The following DOCK2 variants were observed in gnomAD, a reference collection of about 807,000 sequenced individuals.
DOCK2 encodes dedicator of cytokinesis 2.
In DOCK2, 87 loss-of-function variants were observed where a neutral mutation model predicts 248.9. That is an observed-to-expected ratio of 0.35 (90% CI 0.29 to 0.42). DOCK2 has a LOEUF of 0.42. Among genes scored for constraint, DOCK2 ranks in the 10% least tolerant of loss-of-function variants. DOCK2 has a pLI of 1.00. For missense variants in DOCK2, 1,747 were observed against 2,300.2 expected (o/e 0.76, Z 4.92); for synonymous variants, 805 against 821.6 (o/e 0.98, Z 0.35).
rs1757831176 is a variant in DOCK2, at chr5:170,076,131, G to A, written c.4866+47G>A. On this transcript the variant is annotated intron_variant, in intron 47 of 51. Transcript: ENST00000520908. ...TGGAGGGGTGGGATTGTGCAGGGTG[G>A]GGCAGGGAAGCATGCTGGAGGCTGA... The A allele has an allele frequency of 1.9e-6, 3 of 1,594,374 alleles. 1 individual carries two copies. The highest frequency in any genetic ancestry group is 8.6e-7 in the Non-Finnish European group (1 of 1,167,168).
intron 1 of DOCK2, among the ~76,000 whole-genome samples, chr5:169,639,652 A>G (rs1352539747): frequency 1.3e-5 from 2 of 152,230 alleles, no homozygotes; most frequent in Non-Finnish European, 2.9e-5. Context: ...TTTTCCCTTT[A>G]AAGACATTTT....
intron 14 of DOCK2, chr5:169,704,019 A>G (rs1581064012): frequency 6.6e-6 from 1 of 152,186 alleles, no homozygotes; most frequent in Non-Finnish European, 1.5e-5. Context: ...CACTTTTGTC[A>G]CCCTTTCAAG....
intron 46 of DOCK2, among the ~76,000 whole-genome samples, chr5:170,069,542 C>T (rs1450063598): frequency 1.3e-5 from 2 of 152,176 alleles, no homozygotes; most frequent in African/African-American, 4.8e-5. Context: ...GGCCCCCACA[C>T]TCCAAACCAG....
intron 27 of DOCK2, among the ~76,000 whole-genome samples, chr5:169,905,916 T>C (rs1038734934): frequency 6.6e-6 from 1 of 152,242 alleles, no homozygotes; most frequent in Non-Finnish European, 1.5e-5. Flanking sequence ...TAAAAACAGC[T>C]GTCTTGAACC....
At chr5:169,762,587 A>C (rs1006881401) in intron 25 of DOCK2, among the ~76,000 whole-genome samples, 4 of 152,206 alleles carry the variant, frequency 2.6e-5, no homozygotes, top group Non-Finnish European at 5.9e-5. Context: ...AATGCTCTGC[A>C]TGCCTAGATT....
chr5:170,054,820 T>C (rs558291126), intron 41 of DOCK2, among the ~76,000 whole-genome samples: 2 of 152,276 alleles, frequency 1.3e-5, no homozygotes, highest in African/African-American at 4.8e-5. Flanking sequence ...AATTCTGAGC[T>C]TAGAGTTAGA....
intron 27 of DOCK2, among the ~76,000 whole-genome samples, chr5:169,850,517 A>G (rs1485164115): frequency 6.7e-6 from 1 of 149,258 alleles, no homozygotes; most frequent in East Asian, 2.0e-4. Flanking sequence ...AGGGGAGATC[A>G]GGGAAAGAAT....
chr5:169,797,718 TG>T (rs1373744194), intron 25 of DOCK2, among the ~76,000 whole-genome samples: 3 of 152,206 alleles, frequency 2.0e-5, no homozygotes, highest in African/African-American at 7.2e-5. Context: ...GAACCCAGCC[TG>T]GGTGTGCAGG....
chr5:169,811,434 A>G (rs1448538371), intron 26 of DOCK2, among the ~76,000 whole-genome samples: 1 of 152,222 alleles, frequency 6.6e-6, no homozygotes, highest in African/African-American at 2.4e-5. Context: ...GCAGGGAGAC[A>G]AGGCTTGCTG....
intron 29 of DOCK2, among the ~76,000 whole-genome samples, chr5:169,994,884 C>A (rs1002811088): frequency 3.3e-5 from 5 of 152,050 alleles, no homozygotes; most frequent in African/African-American, 1.2e-4. Context: ...GATGAAGAGA[C>A]TGGAGGCTGC....
At chr5:170,003,937 G>C (rs536462968) in intron 30 of DOCK2, among the ~76,000 whole-genome samples, 4 of 152,288 alleles carry the variant, frequency 2.6e-5, no homozygotes, top group South Asian at 2.1e-4. Flanking sequence ...AACTGGGCAG[G>C]GGCTATGGGT....
At chr5:169,873,876 A>G (rs2113468971) in intron 27 of DOCK2, among the ~76,000 whole-genome samples, 1 of 152,188 alleles carries the variant, frequency 6.6e-6, no homozygotes. Flanking sequence ...CTCTCTCCTC[A>G]GTGATGTGAA....
intron 27 of DOCK2, among the ~76,000 whole-genome samples, chr5:169,925,381 A>G (rs1316134008): frequency 6.6e-6 from 1 of 152,082 alleles, no homozygotes; most frequent in Non-Finnish European, 1.5e-5. Context: ...GGCGTTAAAG[A>G]CCAGCCTGGC....
chr5:170,077,929 T>TACCTTTCCCTTCCTCCTTTCA (rs1757894913), intron 48 of DOCK2, 92 bp downstream of exon 48: 2 of 1,036,244 alleles, frequency 1.9e-6, no homozygotes, highest in South Asian at 3.0e-5. Context: ...ACATCCCTTC[T>TACCTTTCCCTTCCTCCTTTCA]ACCTTTCCCT....
chr5:169,881,575 T>G, intron 27 of DOCK2: 2 of 675,196 alleles, frequency 3.0e-6, no homozygotes, highest in Non-Finnish European at 5.4e-6. Flanking sequence ...CCATTACAAA[T>G]AAGGAAACAA....
intron 26 of DOCK2, among the ~76,000 whole-genome samples, chr5:169,809,347 C>T (rs1039089752): frequency 6.6e-6 from 1 of 152,156 alleles, no homozygotes; most frequent in African/African-American, 2.4e-5. Flanking sequence ...TTTGCTTTTG[C>T]TTAGTGCAGT....
chr5:169,742,323 G>A (rs759283155), intron 22 of DOCK2, among the ~76,000 whole-genome samples: 4 of 152,184 alleles, frequency 2.6e-5, no homozygotes, highest in Non-Finnish European at 5.9e-5. Context: ...GGCTTTATGT[G>A]CATTGTTTGA....
At chr5:169,991,920 A>G (rs1778219887) in intron 29 of DOCK2, among the ~76,000 whole-genome samples, 1 of 152,260 alleles carries the variant, frequency 6.6e-6, no homozygotes, top group Non-Finnish European at 1.5e-5. Context: ...ATAGAATTAA[A>G]TGAAATAATG....
At chr5:169,788,486 T>C (rs1329625231) in intron 25 of DOCK2, among the ~76,000 whole-genome samples, 1 of 152,144 alleles carries the variant, frequency 6.6e-6, no homozygotes, top group Non-Finnish European at 1.5e-5. Context: ...GTGTAGAACA[T>C]TAACATTAAA....
Sources: allele counts gnomAD v4.1 joint callset (sites outside exome capture counted in the v4.1 genomes callset), GRCh38; gene constraint gnomAD v4.1.1; transcripts MANE v1.5; gene names NCBI Gene and HGNC (gene_info 2026-07-23, HGNC 2026-07-21).